Variants in TAOK3 observed in about 807,000 individuals in gnomAD.
TAOK3 encodes the protein TAO kinase 3, also known as serine/threonine-protein kinase TAO3.
TAOK3 carries 40 observed loss-of-function variants against 120.4 expected under a neutral mutation model. The ratio of observed to expected loss-of-function variants is 0.33; its 90% CI spans 0.26 to 0.43. TAOK3 has a LOEUF of 0.43. TAOK3 is among the 20% of genes least tolerant of loss of function. The pLI is 1.00. For synonymous variants in TAOK3, 355 were observed against 387.5 expected (o/e 0.92, Z 0.99); for missense variants, 821 against 1,112.1 (o/e 0.74, Z 3.72).
rs2045903298 is a variant in TAOK3 at position 118,371,786 on chromosome 12, TG to T, written c.-194+861del. ...TGACTGGGGGCCCGACCCGCACCCA[TG>T]GGGCACCGCTCCTCCCTCGGGGTCC... is the stretch of plus-strand genomic sequence containing the variant. On this transcript the variant is annotated intron_variant, in intron 1 of 20. Coordinates refer to ENST00000392533, the MANE Select transcript of TAOK3 (RefSeq NM_016281.4). This position sits in a 1 kb window ranked among gnomAD's most constrained non-coding sequence, Gnocchi z 5.5. 6.6e-6 allele frequency among the ~76,000 whole-genome samples: 1 copy of T among 151,820 alleles called. No individual in the cohort carries two copies. Among genetic ancestry groups the T allele is most frequent in the African/African-American group, 2.4e-5 (1 of 41,362 alleles).
intron 2 of TAOK3, among the ~76,000 whole-genome samples, chr12:118,265,050 T>C (rs908405634): frequency 1.3e-5 from 2 of 151,734 alleles, no homozygotes; most frequent in African/African-American, 4.8e-5. Flanking sequence ...AAAAAATACA[T>C]AAATTAAATG....
rs187780164 is a variant in TAOK3 at position 118,293,304 on chromosome 12, C to T, written c.-193-26545G>A. Among the ~76,000 whole-genome samples the T allele has an allele frequency of 4.3e-4, 65 of 152,254 alleles. 1 individual carries two copies. Among genetic ancestry groups the T allele is most frequent in the Non-Finnish European group, 8.8e-4 (60 of 68,028 alleles). On this transcript the variant is annotated intron_variant, in intron 1 of 20. Transcript: ENST00000392533. ...TGAGGGGTTAAAGTGTAAAAGGTAC[C>T]AAGCTTAATTAATATGCAGACGAAT...
intron 1 of TAOK3, among the ~76,000 whole-genome samples, chr12:118,276,327 A>G (rs1480537474): frequency 6.6e-6 from 1 of 152,206 alleles, no homozygotes; most frequent in Non-Finnish European, 1.5e-5. Flanking sequence ...CTTTGATTGG[A>G]ATATGAAAGA....
chr12:118,150,880 G>A lies in TAOK3; in HGVS notation c.*117C>T. 2.9e-6 allele frequency: 2 copies of A among 700,212 alleles called. No individual in the cohort carries two copies. Among genetic ancestry groups the A allele is most frequent in the South Asian group, 5.5e-5 (2 of 36,526 alleles). The allele number at this position is 700,212 out of a possible 1,614,324, so 43.4% of individuals were successfully genotyped here. ...TCCGACACGATGTCAGTAAGAGTAA[G>A]AGAGAGAGAGAGTGAGAGCAACGCC... is the stretch of plus-strand genomic sequence containing the variant. On this transcript the variant is annotated 3_prime_UTR_variant, in exon 21 of 21. Coordinates refer to ENST00000392533, the MANE Select transcript of TAOK3 (RefSeq NM_016281.4).
At chr12:118,324,209 A>C (rs1249331142) in intron 1 of TAOK3, among the ~76,000 whole-genome samples, 2 of 152,178 alleles carry the variant, frequency 1.3e-5, no homozygotes, top group Admixed American at 6.6e-5. Flanking sequence ...AATCAGAAAA[A>C]CATCTGTATA....
At chr12:118,210,728 CTTTTCTT>C (rs1230833674) in intron 11 of TAOK3, among the ~76,000 whole-genome samples, 4 of 150,118 alleles carry the variant, frequency 2.7e-5, no homozygotes, top group South Asian at 2.1e-4. Context: ...ATATTTATTT[CTTTTCTT>C]TTTTCTTTTT....
intron 9 of TAOK3, among the ~76,000 whole-genome samples, chr12:118,214,649 C>T (rs1487130981): frequency 6.6e-6 from 1 of 151,016 alleles, no homozygotes; most frequent in African/African-American, 2.4e-5. Context: ...CGATCTGCAA[C>T]CTCTGCCTCC....
chr12:118,229,493 A>G (rs1348575512), intron 9 of TAOK3, among the ~76,000 whole-genome samples: 2 of 152,288 alleles, frequency 1.3e-5, no homozygotes, highest in African/African-American at 4.8e-5. Flanking sequence ...ACCTTCTCCT[A>G]GTCCATAGCT....
At chr12:118,199,498 C>T (rs1003563638) in intron 12 of TAOK3, 1 of 546,016 alleles carries the variant, frequency 1.8e-6, no homozygotes, top group Non-Finnish European at 3.3e-6. Context: ...CCAAATGCTG[C>T]CATCCCAGGG....
chr12:118,300,474 C>T (rs904526754), intron 1 of TAOK3, among the ~76,000 whole-genome samples: 11 of 152,094 alleles, frequency 7.2e-5, no homozygotes, highest in African/African-American at 2.4e-4. Context: ...ACCAAAGAGG[C>T]GAGGATTAGC....
At chr12:118,308,741 C>A (rs1269394232) in intron 1 of TAOK3, among the ~76,000 whole-genome samples, 1 of 151,742 alleles carries the variant, frequency 6.6e-6, no homozygotes, top group Non-Finnish European at 1.5e-5. Context: ...ACCAGCCTGA[C>A]TAACATGGTA....
chr12:118,231,321 T>C (rs902983495), intron 9 of TAOK3, among the ~76,000 whole-genome samples: 2 of 152,100 alleles, frequency 1.3e-5, no homozygotes, highest in Non-Finnish European at 2.9e-5. Context: ...ACCTTGTGAT[T>C]CTGCTACCTA....
intron 12 of TAOK3, 47 bp from the exon 13 acceptor site, chr12:118,199,304 G>C (rs2037906967): frequency 4.1e-6 from 6 of 1,451,266 alleles, no homozygotes; most frequent in Non-Finnish European, 5.8e-6. Flanking sequence ...TGAAGATAAA[G>C]AGTCAATCCA....
chr12:118,199,173 C>G lies in TAOK3; in HGVS notation c.1072G>C (p.Gly358Arg). 1.2e-6 allele frequency: 2 copies of G among 1,614,184 alleles called. No homozygotes were observed. Among genetic ancestry groups the G allele is most frequent in the Non-Finnish European group, 1.7e-6 (2 of 1,180,032 alleles). Residue 358 changes from glycine (G) to arginine (R), a missense_variant, in exon 13 of 21, where the codon GGC (glycine) becomes CGC (arginine). By Grantham distance (125) the Gly-to-Arg change is moderately radical. Coordinates refer to ENST00000392533, the MANE Select transcript of TAOK3 (RefSeq NM_016281.4). ...CTGTTCACACTGCTGCTCTGGCTGC[C>G]TGTGCTCACGGACATGCTTGGAATG... ...HSIPSMSVST[G>R]SQSSSVNSMQ...
At chr12:118,305,350 G>C (rs996254598) in intron 1 of TAOK3, among the ~76,000 whole-genome samples, 2 of 152,022 alleles carry the variant, frequency 1.3e-5, no homozygotes, top group Non-Finnish European at 2.9e-5. Flanking sequence ...GCATGCATCT[G>C]TAATTCTAGC....
In TAOK3 at chr12:118,225,887, ACT is replaced by A. The variant is rs2039478753; in HGVS notation, c.643+7785_643+7786del. On this transcript the variant is annotated intron_variant, in intron 9 of 20. Transcript: ENST00000392533. ...GTTGTAGGAACATTTAACATCATTT[ACT>A]CTCTCAGCAATTTCAACTTTCAATG... Among the ~76,000 whole-genome samples, 5 of 152,102 alleles carry A rather than the reference ACT, an allele frequency of 3.3e-5. No homozygotes were observed. The South Asian group carries it at 1.0e-3, about 32-fold the overall frequency.
At chr12:118,364,359 A>G (rs2045687649) in intron 1 of TAOK3, among the ~76,000 whole-genome samples, 1 of 152,092 alleles carries the variant, frequency 6.6e-6, no homozygotes, top group South Asian at 2.1e-4. Context: ...AGGCCCTCGT[A>G]AGATCCTTTG....
At chr12:118,167,720 CAG>C (rs955881328) in intron 17 of TAOK3, among the ~76,000 whole-genome samples, 2 of 147,958 alleles carry the variant, frequency 1.4e-5, no homozygotes, top group Admixed American at 6.8e-5. Context: ...TATCTGGAAT[CAG>C]AGAGAGTGTT....
intron 1 of TAOK3, among the ~76,000 whole-genome samples, chr12:118,308,215 A>C (rs1458032751): frequency 6.6e-6 from 1 of 152,182 alleles, no homozygotes; most frequent in Admixed American, 6.5e-5. Context: ...GACAGTTTAC[A>C]GATGCCACGG....
Sources: gnomAD v4.1 joint callset for allele counts (sites outside exome capture counted in the v4.1 genomes callset) on GRCh38, gnomAD v4.1.1 for gene constraint, Gnocchi (gnomAD v3.1) non-coding constraint, MANE v1.5 for transcripts, NCBI Gene and HGNC (gene_info 2026-07-23, HGNC 2026-07-21) for gene names.